Variants in TASOR2 observed in about 807,000 individuals in gnomAD.
TASOR2 encodes transcription activation suppressor family member 2, also known as protein TASOR 2.
In TASOR2, 84 loss-of-function variants were observed where a neutral mutation model predicts 199.5. The ratio of observed to expected loss-of-function variants is 0.42; its 90% CI spans 0.35 to 0.50. The LOEUF (loss-of-function observed/expected upper bound fraction) is 0.50, where lower values mean the gene tolerates loss of function less well. Among genes scored for constraint, TASOR2 ranks in the 20% least tolerant of loss-of-function variants. The pLI, the probability that TASOR2 is intolerant of heterozygous loss-of-function variation, is 0.02. For missense variants in TASOR2, 2,796 were observed against 2,835.9 expected (o/e 0.99, Z 0.32); for synonymous variants, 1,103 against 1,046.6 (o/e 1.05, Z -1.04).
exon 19 of TASOR2, chr10:5,761,462 C>G (rs761347979): frequency 3.7e-6 from 6 of 1,611,142 alleles, no homozygotes; most frequent in Non-Finnish European, 5.1e-6. Flanking sequence ...GTTTGCTGTC[C>G]TCCTAACAGG....
At chr10:5,731,224 T>C (rs1834770766) in intron 11 of TASOR2, 21 bp downstream of exon 12, 1 of 1,586,530 alleles carries the variant, frequency 6.3e-7, no homozygotes, top group African/African-American at 1.3e-5. Context: ...TTTATTTATG[T>C]GGGTTATTAT....
chr10:5,750,009 A>G lies in TASOR2; in HGVS notation c.6588A>G (p.Ser2196=). ...ACCTTGTCGAAACAGAAGACAAATC[A>G]TTCTTTGTAAGAACAAAGGTAAAGT... Residue 2196 remains serine (S), a synonymous_variant, in exon 15 of 21, where the codon TCA becomes TCG. Transcript: ENST00000328090. The surrounding 1 kb of genome is among the most constrained non-coding windows in gnomAD (Gnocchi z 5.4). The G allele has an allele frequency of 6.3e-7, 1 of 1,599,558 alleles. No homozygotes were observed. Among genetic ancestry groups the G allele is most frequent in the Non-Finnish European group, 8.5e-7 (1 of 1,172,528 alleles).
Position 5,724,636 on chromosome 10 carries a change from G to T in TASOR2, c.351+103G>T, listed in dbSNP as rs201396936. ...TATATATATATTATATATATATATA[G>T]ATAGATAGATAGATAGATATAGATA... On this transcript the variant is annotated intron_variant, in intron 8 of 20. Coordinates refer to ENST00000328090, the Ensembl canonical transcript of TASOR2. The T allele has an allele frequency of 6.8e-3, 879 of 129,746 alleles. 4 individuals are homozygous for T. Among genetic ancestry groups the T allele is most frequent in the South Asian group, 0.035 (145 of 4,118 alleles). The allele number at this position is 129,746 out of a possible 1,614,324, so 8.0% of individuals were successfully genotyped here.
intron 1 of TASOR2, among the ~76,000 whole-genome samples, chr10:5,691,245 A>C (rs1836394088): frequency 6.6e-6 from 1 of 152,122 alleles, no homozygotes; most frequent in African/African-American, 2.4e-5. Context: ...ATGGTCTCTA[A>C]AGAATTTGTT....
chr10:5,721,843 T>C, intron 6 of TASOR2, among the ~76,000 whole-genome samples: 1 of 152,216 alleles, frequency 6.6e-6, no homozygotes, highest in East Asian at 1.9e-4. Flanking sequence ...AACTGGCAGA[T>C]ACCATCTTAA....
In TASOR2 at chr10:5,738,920, A is replaced by G. The variant is rs545253842; in HGVS notation, c.1448-698A>G. Among the ~76,000 whole-genome samples, 2 of 152,352 alleles carry G rather than the reference A, an allele frequency of 1.3e-5. No homozygotes were observed. The highest frequency in any genetic ancestry group is 3.9e-4 in the East Asian group (2 of 5,190). ...GATTTGATTATCTGTAAAAGGGAAC[A>G]TTGTCAGTAGATTTGCTCTTTCTTG... is the stretch of plus-strand genomic sequence containing the variant. On this transcript the variant is annotated intron_variant, in intron 12 of 20. Coordinates refer to ENST00000328090, the Ensembl canonical transcript of TASOR2. This position sits in a 1 kb window ranked among gnomAD's most constrained non-coding sequence, Gnocchi z 4.7.
Position 5,727,111 on chromosome 10 carries a change from C to T in TASOR2, c.475C>T (p.Pro159Ser), listed in dbSNP as rs369347144. ...GCATGGGTTACATTTATTTCGTTCA[C>T]CCCTGTCAACAGGTGAGGATACAAT... The change falls in exon 10 of 21, where the codon CCC (proline) becomes TCC (serine). Residue 159 changes from proline to serine, a missense_variant. By Grantham distance (74) the Pro-to-Ser change is moderately conservative (BLOSUM62 -1). Transcript: ENST00000328090. 145 of 1,614,048 alleles carry T rather than the reference C, an allele frequency of 9.0e-5. No homozygotes were observed. The African/African-American group carries it at 1.8e-3, about 20-fold the overall frequency.
chr10:5,740,182 G>C lies in TASOR2; in HGVS notation c.2012G>C (p.Arg671Thr). The change falls in exon 13 of 21, where the codon AGA becomes ACA. Residue 671 changes from arginine to threonine, a missense_variant. Around this residue, in one of 3 missense-constraint regions of TASOR2, gnomAD observed 847 missense variants for 887.4 expected, o/e 0.95. Coordinates refer to ENST00000328090, the Ensembl canonical transcript of TASOR2. The surrounding 1 kb of genome is among the most constrained non-coding windows in gnomAD (Gnocchi z 5.3). ...CATTCAAAGAAACATCTACAGGAGA[G>C]AGAGATACTAAGCCCTCTGTTTCCC... is the stretch of plus-strand genomic sequence containing the variant. The C allele has an allele frequency of 3.7e-6, 6 of 1,614,210 alleles. No homozygotes were observed. The highest frequency in any genetic ancestry group is 5.1e-6 in the Non-Finnish European group (6 of 1,180,048).
At chr10:5,756,656 A>C in exon 16 of TASOR2, 1 of 1,613,656 alleles carries the variant, frequency 6.2e-7, no homozygotes. Flanking sequence ...GAACCTCAGC[A>C]CTTCTGTCAA....
At position 5,710,619 on chromosome 10, in the gene TASOR2, G is replaced by T. The variant is rs1831792271; in HGVS notation, c.-287-2204G>T. On this transcript the variant is annotated intron_variant, in intron 1 of 20. Transcript: ENST00000328090. This position sits in a 1 kb window ranked among gnomAD's most constrained non-coding sequence, Gnocchi z 4.6. ...TCTTCAGTTTTCAGTTCATTATTGT[G>T]CATTATGATGCTCAAAAATGAGGAC... is the stretch of plus-strand genomic sequence containing the variant. 6.6e-6 allele frequency among the ~76,000 whole-genome samples: 1 copy of T among 151,946 alleles called. No homozygotes were observed. Among genetic ancestry groups the T allele is most frequent in the Admixed American group, 6.6e-5 (1 of 15,248 alleles).
intron 14 of TASOR2, among the ~76,000 whole-genome samples, chr10:5,744,376 C>A (rs533492866): frequency 2.0e-5 from 3 of 152,300 alleles, no homozygotes; most frequent in Admixed American, 6.5e-5. Context: ...GATCTCGGCT[C>A]ACTGCAAGCT....
chr10:5,758,807 A>C (rs1202325722), intron 17 of TASOR2, 80 bp from the exon 19 acceptor site: 2 of 1,016,138 alleles, frequency 2.0e-6, no homozygotes, highest in Admixed American at 2.1e-5. Flanking sequence ...TTGTTTTACA[A>C]ATAATTATCA....
exon 15 of TASOR2, chr10:5,747,795 T>C (rs776263461): frequency 1.2e-6 from 2 of 1,613,910 alleles, no homozygotes; most frequent in Non-Finnish European, 1.7e-6. Flanking sequence ...TTGTTGGTCC[T>C]ACCCATCCAG....
rs757706768 is a variant in TASOR2 at position 5,747,664 on chromosome 10, C to T, written c.4243C>T (p.Arg1415Ter). 1.9e-6 allele frequency: 3 copies of T among 1,614,180 alleles called. No homozygotes were observed. Among genetic ancestry groups the T allele is most frequent in the Middle Eastern group, 1.6e-4 (1 of 6,062 alleles). Residue 1415 changes from arginine to a stop codon, truncating the protein, a stop_gained, in exon 15 of 21, where the codon CGA becomes TGA. Coordinates refer to ENST00000328090, the Ensembl canonical transcript of TASOR2. LOFTEE classifies it high-confidence loss of function. ...ACCTCCAGTACCAGTTAAAGAGACA[C>T]GACCATATCAGGCTGTGACTCCATG...
At chr10:5,717,477 G>C (rs999100784) in intron 2 of TASOR2, among the ~76,000 whole-genome samples, 182 bp from the exon 4 acceptor site, 2 of 152,098 alleles carry the variant, frequency 1.3e-5, no homozygotes, top group Admixed American at 1.3e-4. Flanking sequence ...AGTTGCCTCA[G>C]TTGAGGAATA....
chr10:5,724,406 A>G, intron 7 of TASOR2, 24 bp from the exon 9 acceptor site: 1 of 1,270,874 alleles, frequency 7.9e-7, no homozygotes. Flanking sequence ...AAAATAAGAA[A>G]TGTTTTTCTG....
chr10:5,733,045 A>G (rs1389171391), intron 11 of TASOR2, among the ~76,000 whole-genome samples: 3 of 152,210 alleles, frequency 2.0e-5, no homozygotes, highest in African/African-American at 7.2e-5. Context: ...TCAGTTATCT[A>G]TAACTCAACA....
In TASOR2 at chr10:5,761,505, C is replaced by T. The variant is rs781512109; in HGVS notation, c.7174+34C>T. The T allele has an allele frequency of 5.7e-6, 9 of 1,584,346 alleles. No individual in the cohort carries two copies. In the African/African-American group the frequency reaches 1.1e-4, roughly 19 times the overall value. On this transcript the variant is annotated intron_variant, in intron 19 of 20. Coordinates refer to ENST00000328090, the Ensembl canonical transcript of TASOR2. ...CAGGCGCATTTTACTCAGTTAATGC[C>T]AAAATTGGTCAGCTCTAGGAATGTC...
exon 15 of TASOR2, chr10:5,747,868 T>G: frequency 6.2e-7 from 1 of 1,613,782 alleles, no homozygotes; most frequent in Non-Finnish European, 8.5e-7. Context: ...GCCTCTAATA[T>G]TAACTGATCA....
Sources: allele counts gnomAD v4.1 joint callset (sites outside exome capture counted in the v4.1 genomes callset), GRCh38; gene constraint gnomAD v4.1.1; regional missense constraint gnomAD v4.1.1; non-coding constraint Gnocchi (gnomAD v3.1); transcripts MANE v1.5; gene names NCBI Gene and HGNC (gene_info 2026-07-23, HGNC 2026-07-21).